MALRD1: variants seen among roughly 807,000 people sequenced by gnomAD.
MALRD1 encodes the protein MAM and LDL receptor class A domain containing 1.
A neutral mutation model predicts 242.1 loss-of-function variants in MALRD1; 247 were observed. The observed-to-expected ratio is 1.02, with a 90% CI of 0.92 to 1.13. The LOEUF (loss-of-function observed/expected upper bound fraction) is 1.13. Ranked by LOEUF, MALRD1 falls within the 50% of genes most tolerant of loss-of-function variation. The probability of loss-of-function intolerance (pLI) is 0.00; values close to 1 mark genes in which losing one functional copy is unlikely to be tolerated. For synonymous variants in MALRD1, 995 were observed against 866.6 expected, an observed-to-expected ratio of 1.15 and a Z score of -2.60; for missense variants, 2,989 against 2,533.1, an observed-to-expected ratio of 1.18 and a Z score of -3.86.
intron 38 of MALRD1, among the ~76,000 whole-genome samples, chr10:19,724,587 G>A (rs945378956): frequency 6.6e-6 from 1 of 151,998 alleles, no homozygotes; most frequent in South Asian, 2.1e-4. Flanking sequence ...ACTTTAAGTG[G>A]CAATGAGACT....
intron 21 of MALRD1, among the ~76,000 whole-genome samples, chr10:19,316,097 C>G (rs986148567): frequency 5.3e-5 from 8 of 150,134 alleles, no homozygotes; most frequent in South Asian, 2.1e-4. Context: ...ACTAAGGAAA[C>G]TCCTTAGTAA....
At chr10:19,640,567 C>T (rs546904007) in intron 36 of MALRD1, among the ~76,000 whole-genome samples, 14 of 152,150 alleles carry the variant, frequency 9.2e-5, no homozygotes, top group East Asian at 5.8e-4. Flanking sequence ...AACATTTATT[C>T]GTGTTCCTTT....
At chr10:19,648,711 A>C (rs1406727819) in intron 36 of MALRD1, among the ~76,000 whole-genome samples, 2 of 152,238 alleles carry the variant, frequency 1.3e-5, no homozygotes, top group East Asian at 3.8e-4. Context: ...TGATTATTGC[A>C]GTTACCATCT....
At chr10:19,067,687 A>G (rs1590382193) in intron 2 of MALRD1, among the ~76,000 whole-genome samples, 1 of 152,112 alleles carries the variant, frequency 6.6e-6, no homozygotes, top group African/African-American at 2.4e-5. Context: ...AAAATTTTAA[A>G]TTAAGTTTTG....
At chr10:19,187,157 T>C (rs1172782605) in intron 14 of MALRD1, among the ~76,000 whole-genome samples, 1 of 152,214 alleles carries the variant, frequency 6.6e-6, no homozygotes, top group Non-Finnish European at 1.5e-5. Context: ...TAAATTTGCA[T>C]GCACAAACTA....
chr10:19,419,542 A>G (rs1052639828), intron 28 of MALRD1, among the ~76,000 whole-genome samples: 1 of 151,502 alleles, frequency 6.6e-6, no homozygotes, highest in African/African-American at 2.4e-5. Flanking sequence ...CTGGTCTCAA[A>G]CTCCTGGCCT....
chr10:19,662,863 AT>A (rs1241084079), intron 36 of MALRD1, among the ~76,000 whole-genome samples: 1 of 152,136 alleles, frequency 6.6e-6, no homozygotes, highest in South Asian at 2.1e-4. Flanking sequence ...GAGGCCAAGA[AT>A]TTGTTCTAGA....
chr10:19,587,988 T>C (rs563411811), intron 33 of MALRD1, among the ~76,000 whole-genome samples: 6 of 152,094 alleles, frequency 3.9e-5, no homozygotes, highest in African/African-American at 1.4e-4. Flanking sequence ...GATTTATTCT[T>C]TTAAATATAT....
At chr10:19,588,130 A>G (rs1053396123) in intron 33 of MALRD1, among the ~76,000 whole-genome samples, 1 of 152,090 alleles carries the variant, frequency 6.6e-6, no homozygotes, top group Non-Finnish European at 1.5e-5. Flanking sequence ...TTATAAGTTT[A>G]TATTCAAATA....
intron 29 of MALRD1, among the ~76,000 whole-genome samples, chr10:19,463,553 AGTGTGTGTGTGTGT>A (rs142025703): frequency 8.7e-5 from 13 of 150,090 alleles, no homozygotes; most frequent in East Asian, 2.0e-4. Context: ...GTGGCTGAGT[AGTGTGTGTGTGTGT>A]GTGTGTGTGT....
chr10:19,098,926 C>T (rs1836144519), intron 4 of MALRD1, among the ~76,000 whole-genome samples: 1 of 152,094 alleles, frequency 6.6e-6, no homozygotes, highest in Non-Finnish European at 1.5e-5. Flanking sequence ...ATTGGTCAGA[C>T]TAGGTGTGTT....
intron 13 of MALRD1, among the ~76,000 whole-genome samples, chr10:19,168,056 A>C (rs1834774383): frequency 6.6e-6 from 1 of 152,222 alleles, no homozygotes; most frequent in African/African-American, 2.4e-5. Flanking sequence ...GACACTCAAT[A>C]AATGTTAGTG....
intron 24 of MALRD1, among the ~76,000 whole-genome samples, chr10:19,344,723 G>A (rs561322137): frequency 4.7e-5 from 7 of 150,410 alleles, no homozygotes; most frequent in African/African-American, 1.5e-4. Context: ...TGTCAATTGG[G>A]GGGGGGGAGT....
intron 38 of MALRD1, among the ~76,000 whole-genome samples, chr10:19,698,677 T>A (rs1040735737): frequency 3.3e-5 from 5 of 152,142 alleles, no homozygotes; most frequent in Admixed American, 1.3e-4. Flanking sequence ...AGATTGATGA[T>A]GCCTAGAAAA....
intron 28 of MALRD1, among the ~76,000 whole-genome samples, chr10:19,402,758 A>G (rs1846925694): frequency 6.6e-6 from 1 of 152,118 alleles, no homozygotes; most frequent in South Asian, 2.1e-4. Flanking sequence ...TTTCTTATCC[A>G]TGCCTTTGTT....
At chr10:19,125,805 T>G (rs1489862186) in intron 7 of MALRD1, among the ~76,000 whole-genome samples, 1 of 152,080 alleles carries the variant, frequency 6.6e-6, no homozygotes, top group Admixed American at 6.6e-5. Context: ...AGTCAATATC[T>G]TGTTATGATA....
In MALRD1 at chr10:19,352,090, C is replaced by A; in HGVS notation, c.4234C>A (p.Leu1412Ile). ...QVSVTNQTKV[L>I]LNLTVEQGNF... ...GTCAGTCACAAACCAAACGAAGGTT[C>A]TACTTAACCTCACTGTAGAACAAGG... Residue 1412 changes from leucine to isoleucine, a missense_variant, in exon 26 of 40, where the codon CTA becomes ATA. Coordinates refer to ENST00000454679, the MANE Select transcript of MALRD1 (RefSeq NM_001142308.3). 6.4e-7 allele frequency: 1 copy of A among 1,550,466 alleles called. No homozygotes were observed. Among genetic ancestry groups the A allele is most frequent in the South Asian group, 1.2e-5 (1 of 84,058 alleles).
chr10:19,465,357 G>A (rs1035484690), intron 29 of MALRD1, among the ~76,000 whole-genome samples: 2 of 152,068 alleles, frequency 1.3e-5, no homozygotes, highest in African/African-American at 2.4e-5. Flanking sequence ...TGTCATAAAC[G>A]GTTTTTTATA....
intron 22 of MALRD1, among the ~76,000 whole-genome samples, 152 bp downstream of exon 22, chr10:19,324,257 T>G (rs1843023541): frequency 6.6e-6 from 1 of 152,214 alleles, no homozygotes; most frequent in South Asian, 2.1e-4. Context: ...GTAAAAGCTT[T>G]AGCAGAATTG....
Sources: gnomAD v4.1 joint callset for allele counts (sites outside exome capture counted in the v4.1 genomes callset) on GRCh38, gnomAD v4.1.1 for gene constraint, MANE v1.5 for transcripts, NCBI Gene and HGNC (gene_info 2026-07-23, HGNC 2026-07-21) for gene names.